The following DARS1 variants were observed in gnomAD, a reference collection of about 807,000 sequenced individuals.
DARS1 encodes the protein aspartate--tRNA ligase, cytoplasmic.
Under a neutral mutation model 68.8 loss-of-function variants are expected in DARS1, and 51 were observed. That is an observed-to-expected ratio of 0.74 (90% CI 0.59 to 0.94). The LOEUF is 0.94. Among genes scored for constraint, DARS1 ranks in the 40% least tolerant of loss-of-function variants. The pLI is 0.00. For missense variants in DARS1, 607 were observed against 597.3 expected (o/e 1.02, Z -0.17); for synonymous variants, 203 against 190.4 (o/e 1.07, Z -0.55).
intron 15 of DARS1, among the ~76,000 whole-genome samples, chr2:135,909,607 C>T (rs1482135189): frequency 6.6e-6 from 1 of 152,086 alleles, no homozygotes; most frequent in African/African-American, 2.4e-5. Flanking sequence ...TTCCAACAAC[C>T]ATTCTACTCT....
chr2:135,920,021 C>A (rs892113199), intron 10 of DARS1, among the ~76,000 whole-genome samples: 2 of 152,164 alleles, frequency 1.3e-5, no homozygotes, highest in African/African-American at 4.8e-5. Flanking sequence ...AAGGCCCACA[C>A]AGAGAAGGAG....
chr2:135,944,485 G>C (rs1209459759), intron 4 of DARS1, among the ~76,000 whole-genome samples: 1 of 151,942 alleles, frequency 6.6e-6, no homozygotes, highest in Non-Finnish European at 1.5e-5. Flanking sequence ...TCAAAATGAG[G>C]ATAATAGGTG....
chr2:135,974,456 C>T (rs1386835179), intron 3 of DARS1, among the ~76,000 whole-genome samples: 1 of 152,148 alleles, frequency 6.6e-6, no homozygotes, highest in East Asian at 1.9e-4. Context: ...ACATATACAT[C>T]ACATAACACA....
chr2:135,938,402 C>T (rs1681518091), intron 5 of DARS1, among the ~76,000 whole-genome samples: 1 of 151,964 alleles, frequency 6.6e-6, no homozygotes, highest in South Asian at 2.1e-4. Flanking sequence ...ATCTTTTTTT[C>T]AAGGTTTTTA....
At chr2:135,933,717 T>C (rs1681404163) in intron 6 of DARS1, among the ~76,000 whole-genome samples, 193 bp downstream of exon 6, 1 of 151,976 alleles carries the variant, frequency 6.6e-6, no homozygotes, top group African/African-American at 2.4e-5. Context: ...GCTTGTAGGG[T>C]TCTTAATTAT....
chr2:135,946,198 AG>A (rs1257024153), intron 4 of DARS1, among the ~76,000 whole-genome samples: 4 of 152,236 alleles, frequency 2.6e-5, no homozygotes, highest in Admixed American at 1.3e-4. Context: ...TACTGACTGT[AG>A]AAAGAGTCTG....
At chr2:135,915,870 C>G (rs1331304182) in intron 11 of DARS1, among the ~76,000 whole-genome samples, 1 of 151,842 alleles carries the variant, frequency 6.6e-6, no homozygotes, top group Non-Finnish European at 1.5e-5. Flanking sequence ...TAAAGAGTTA[C>G]AAACATGAGG....
At chr2:135,911,794 T>C (rs1478324939) in intron 13 of DARS1, among the ~76,000 whole-genome samples, 3 of 152,178 alleles carry the variant, frequency 2.0e-5, no homozygotes. Flanking sequence ...TTAAGAATGA[T>C]ATTATTTTGG....
intron 4 of DARS1, among the ~76,000 whole-genome samples, chr2:135,954,068 T>G (rs1363070605): frequency 6.6e-6 from 1 of 151,742 alleles, no homozygotes; most frequent in Non-Finnish European, 1.5e-5. Context: ...AGTTCTATTT[T>G]TTAAACTAAA....
At chr2:135,957,433 T>C (rs1287030018) in intron 4 of DARS1, among the ~76,000 whole-genome samples, 1 of 152,104 alleles carries the variant, frequency 6.6e-6, no homozygotes. Context: ...TTAGCCAGGA[T>C]GGTCTTGATC....
Position 135,907,176 on chromosome 2 carries a change from A to G in DARS1, c.*140T>C, listed in dbSNP as rs1680799150. The G allele has an allele frequency of 6.0e-6, 3 of 502,910 alleles. No homozygotes were observed. In the East Asian group the frequency reaches 1.0e-4, roughly 17 times the overall value. 31.2% of individuals were successfully genotyped at this position (502,910 alleles called of 1,614,324 possible). On this transcript the variant is annotated 3_prime_UTR_variant, in exon 16 of 16. Transcript: ENST00000264161. ...GGGCCTTGCAAATTTATTCTAGTGC[A>G]TATTTTAAGTACCTAAAGTACAGCC...
intron 1 of DARS1, among the ~76,000 whole-genome samples, chr2:135,984,578 G>A (rs929826030): frequency 2.0e-5 from 3 of 152,168 alleles, no homozygotes; most frequent in African/African-American, 7.2e-5. Flanking sequence ...ATTGTGTGAA[G>A]GACAAAAAAG....
At chr2:135,946,422 C>G (rs1381171152) in intron 4 of DARS1, among the ~76,000 whole-genome samples, 2 of 152,048 alleles carry the variant, frequency 1.3e-5, no homozygotes, top group Non-Finnish European at 2.9e-5. Context: ...AGTTATGGGT[C>G]CAGTGTTTAT....
At chr2:135,963,880 C>T (rs1041206211) in intron 3 of DARS1, among the ~76,000 whole-genome samples, 2 of 151,872 alleles carry the variant, frequency 1.3e-5, no homozygotes, top group African/African-American at 4.8e-5. Context: ...GGGGCTTCAC[C>T]ATATTGGTCA....
At chr2:135,975,113 G>A (rs937860136) in intron 3 of DARS1, among the ~76,000 whole-genome samples, 1 of 152,142 alleles carries the variant, frequency 6.6e-6, no homozygotes, top group Admixed American at 6.5e-5. Flanking sequence ...GGGAGGCTGA[G>A]GTGGGTGGAT....
chr2:135,983,542 A>G, intron 1 of DARS1, 88 bp from the exon 2 acceptor site: 1 of 587,102 alleles, frequency 1.7e-6, no homozygotes. Context: ...GAATATAAAA[A>G]TGAATTTAAC....
At chr2:135,922,639 C>G in intron 9 of DARS1, 145 bp downstream of exon 9, 2 of 1,234,526 alleles carry the variant, frequency 1.6e-6, no homozygotes, top group Non-Finnish European at 2.0e-6. Flanking sequence ...TTATCTCTAA[C>G]TCAAAGTCTA....
At chr2:135,978,237 T>C (rs937041732) in intron 3 of DARS1, among the ~76,000 whole-genome samples, 2 of 151,678 alleles carry the variant, frequency 1.3e-5, no homozygotes, top group Admixed American at 6.6e-5. Context: ...CAAAGTAGAA[T>C]TTTTAAAATA....
chr2:135,920,466 C>G lies in DARS1; in HGVS notation c.946G>C (p.Gly316Arg), dbSNP rs1221869550. The stretch of plus-strand genomic sequence containing the variant: ...AATACTTTTTACCTTTCTTGAAGTC[C>G]TTTGAATATTTGTACCATGGTGTCA... ...IADTMVQIFK[G>R]LQERFQTEIQ... is the part of the protein sequence containing the mutation. Residue 316 changes from glycine to arginine, a missense_variant, in exon 10 of 16, where the codon GGA (glycine) becomes CGA (arginine). Coordinates refer to ENST00000264161, the MANE Select transcript of DARS1 (RefSeq NM_001349.4). The G allele has an allele frequency of 6.2e-7, 1 of 1,612,440 alleles. No homozygotes were observed. Among genetic ancestry groups the G allele is most frequent in the Non-Finnish European group, 8.5e-7 (1 of 1,179,460 alleles).
Sources: gnomAD v4.1 joint callset for allele counts (sites outside exome capture counted in the v4.1 genomes callset) on GRCh38, gnomAD v4.1.1 for gene constraint, MANE v1.5 for transcripts, NCBI Gene and HGNC (gene_info 2026-07-23, HGNC 2026-07-21) for gene names.